Variants in DCLK1 observed in about 807,000 individuals in gnomAD.
DCLK1 encodes the protein serine/threonine-protein kinase DCLK1.
DCLK1 carries 16 observed loss-of-function variants against 86.2 expected under a neutral mutation model. The observed-to-expected ratio is 0.19, with a 90% CI of 0.13 to 0.28. The LOEUF (loss-of-function observed/expected upper bound fraction) is 0.28, where lower values mean the gene tolerates loss of function less well. DCLK1 is among the 10% of genes least tolerant of loss of function. The pLI is 1.00. For synonymous variants in DCLK1, 369 were observed against 370.5 expected, an observed-to-expected ratio of 1.00 and a Z score of 0.05; for missense variants, 590 against 940.2, an observed-to-expected ratio of 0.63 and a Z score of 4.87.
intron 14 of DCLK1, among the ~76,000 whole-genome samples, chr13:35,806,558 T>C (rs2087031232): frequency 6.6e-6 from 1 of 152,208 alleles, no homozygotes; most frequent in South Asian, 2.1e-4. Context: ...ATATGCATTA[T>C]CCAGTTCCTT....
At chr13:35,786,412 G>T (rs952662585) in intron 16 of DCLK1, among the ~76,000 whole-genome samples, 1 of 152,256 alleles carries the variant, frequency 6.6e-6, no homozygotes, top group African/African-American at 2.4e-5. Context: ...ATTTAAAAAG[G>T]ATGGAGCATG....
intron 4 of DCLK1, among the ~76,000 whole-genome samples, chr13:35,916,989 G>A (rs934530009): frequency 7.2e-5 from 11 of 152,190 alleles, no homozygotes; most frequent in African/African-American, 2.2e-4. Context: ...CTTCTACCTC[G>A]AGGAAAATAG....
intron 5 of DCLK1, among the ~76,000 whole-genome samples, chr13:35,866,927 T>C (rs1871836919): frequency 1.3e-5 from 2 of 152,198 alleles, no homozygotes. Context: ...ACAGGAGACC[T>C]GGGCCAGAGC....
chr13:35,812,459 A>G (rs761423878), intron 11 of DCLK1, among the ~76,000 whole-genome samples: 1 of 152,192 alleles, frequency 6.6e-6, no homozygotes, highest in Non-Finnish European at 1.5e-5. Context: ...AATCTTTTGC[A>G]CAGCAAGGCA....
intron 3 of DCLK1, among the ~76,000 whole-genome samples, chr13:35,956,019 A>C (rs1372356240): frequency 6.6e-6 from 1 of 152,182 alleles, no homozygotes; most frequent in Non-Finnish European, 1.5e-5. Context: ...CATCAGTCCT[A>C]TTCCTCTGGT....
rs187374114 is a variant in DCLK1, at chr13:35,783,633, T to C, written c.2059-8934A>G. 2.3e-3 allele frequency among the ~76,000 whole-genome samples: 348 copies of C among 152,330 alleles called. 1 individual carries two copies. Among genetic ancestry groups the C allele is most frequent in the African/African-American group, 8.2e-3 (339 of 41,564 alleles). On this transcript the variant is annotated intron_variant, in intron 16 of 16. Coordinates refer to ENST00000360631, the MANE Select transcript of DCLK1 (RefSeq NM_001330071.2). ...GGAGATTCGCTCTTGCTGCCCAGGC[T>C]GGAGTGCAGTGGTGTGATCTCGGCT...
intron 8 of DCLK1, 142 bp from the exon 9 acceptor site, chr13:35,828,449 A>C (rs3818479): frequency 4.5e-6 from 3 of 663,918 alleles, no homozygotes; most frequent in Admixed American, 3.0e-5. Context: ...TCCTTTTTTA[A>C]AAAAAAACAA....
chr13:35,915,100 CAT>C (rs769145430), intron 4 of DCLK1, among the ~76,000 whole-genome samples: 31 of 152,166 alleles, frequency 2.0e-4, no homozygotes, highest in Non-Finnish European at 4.4e-4. Flanking sequence ...AATTCTGAAA[CAT>C]AAAAATAAGT....
At chr13:35,781,352 C>T (rs1305152946) in intron 16 of DCLK1, among the ~76,000 whole-genome samples, 1 of 152,210 alleles carries the variant, frequency 6.6e-6, no homozygotes, top group East Asian at 1.9e-4. Context: ...GGTCCATAGA[C>T]TGAAAGGGGG....
At chr13:35,802,542 A>G (rs999901949) in intron 15 of DCLK1, among the ~76,000 whole-genome samples, 5 of 152,098 alleles carry the variant, frequency 3.3e-5, no homozygotes, top group Non-Finnish European at 7.4e-5. Context: ...AATTTAAAGA[A>G]AAAATTTATT....
At chr13:36,087,761 G>A (rs1011516959) in intron 3 of DCLK1, among the ~76,000 whole-genome samples, 1 of 152,082 alleles carries the variant, frequency 6.6e-6, no homozygotes, top group Non-Finnish European at 1.5e-5. Flanking sequence ...GCAAAGGTCA[G>A]TTGGATTCCC....
In DCLK1 at chr13:36,045,318, ATGTG is replaced by A. The variant is rs1190083437; in HGVS notation, c.723+66547_723+66550del. Among the ~76,000 whole-genome samples, 379 of 79,974 alleles carry A rather than the reference ATGTG, an allele frequency of 4.7e-3. 6 individuals are homozygous for A. Among genetic ancestry groups the A allele is most frequent in the South Asian group, 0.017 (30 of 1,724 alleles). The allele number at this position is 79,974 out of a possible 152,430, so 52.5% of individuals were successfully genotyped here. A position where few individuals can be genotyped will look rare whatever the true frequency, so the allele number is the denominator to read the frequency against. ...TCGTCTAATATATATATGTCTATATATGTGTGTGTGTGTGTATATATATATATAT... is the reference window on the plus strand; with the variant it reads ...TCGTCTAATATATATATGTCTATATATGTGTGTGTGTATATATATATATAT... On this transcript the variant is annotated intron_variant, in intron 3 of 16. Transcript: ENST00000360631.
At chr13:36,038,698 A>G (rs1396604613) in intron 3 of DCLK1, among the ~76,000 whole-genome samples, 1 of 152,168 alleles carries the variant, frequency 6.6e-6, no homozygotes, top group African/African-American at 2.4e-5. Flanking sequence ...AAAATGCTTA[A>G]TATCTATTTA....
intron 3 of DCLK1, among the ~76,000 whole-genome samples, chr13:36,013,967 T>C (rs1366519316): frequency 6.6e-6 from 1 of 152,180 alleles, no homozygotes; most frequent in African/African-American, 2.4e-5. Context: ...AAGCACAATA[T>C]TCGCCAGGTG....
intron 7 of DCLK1, among the ~76,000 whole-genome samples, chr13:35,837,883 T>C (rs775841961): frequency 1.3e-5 from 2 of 151,912 alleles, no homozygotes; most frequent in Non-Finnish European, 2.9e-5. Context: ...CTGCCCAAGA[T>C]GGAAAAATCC....
intron 3 of DCLK1, among the ~76,000 whole-genome samples, chr13:36,075,726 G>GC (rs1198179341): frequency 3.3e-5 from 5 of 152,068 alleles, no homozygotes; most frequent in Non-Finnish European, 4.4e-5. Flanking sequence ...ACTAAGAAAT[G>GC]CTAGTGTTGA....
intron 3 of DCLK1, among the ~76,000 whole-genome samples, chr13:36,081,767 C>T (rs1884429175): frequency 1.3e-5 from 2 of 152,178 alleles, no homozygotes; most frequent in Admixed American, 6.5e-5. Context: ...GGAAAAATAA[C>T]ATTTATTCAA....
intron 9 of DCLK1, 61 bp from the exon 10 acceptor site, chr13:35,827,815 A>ATAT: frequency 6.4e-7 from 1 of 1,570,702 alleles, no homozygotes; most frequent in Non-Finnish European, 8.7e-7. Flanking sequence ...GCTAACTCAA[A>ATAT]TGAGTACAAC....
chr13:35,870,322 T>C (rs1194586568), intron 5 of DCLK1, among the ~76,000 whole-genome samples: 2 of 152,062 alleles, frequency 1.3e-5, no homozygotes, highest in African/African-American at 2.4e-5. Flanking sequence ...GGCTGGGTGG[T>C]CTAGCTGGCC....
Sources: allele counts gnomAD v4.1 joint callset (sites outside exome capture counted in the v4.1 genomes callset), GRCh38; gene constraint gnomAD v4.1.1; transcripts MANE v1.5; gene names NCBI Gene and HGNC (gene_info 2026-07-23, HGNC 2026-07-21).